Variants in DBP observed in about 807,000 individuals in gnomAD.
DBP encodes D site-binding protein.
A neutral mutation model predicts 21.4 loss-of-function variants in DBP; 12 were observed. That is an observed-to-expected ratio of 0.56 (90% CI 0.36 to 0.91). DBP has a LOEUF of 0.91. DBP is among the 40% of genes least tolerant of loss of function. The probability of loss-of-function intolerance (pLI) is 0.01; values close to 1 mark genes in which losing one functional copy is unlikely to be tolerated. For synonymous variants in DBP, 213 were observed against 224.9 expected, an observed-to-expected ratio of 0.95 and a Z score of 0.47; for missense variants, 423 against 473.4, an observed-to-expected ratio of 0.89 and a Z score of 0.99.
In DBP at chr19:48,637,186, G is replaced by A. The variant is rs1018035078; in HGVS notation, c.-192C>T. ...GATTTGAGGTCCTCGGTGCAGAAACGTGCAACTCAAGAGGGTCCCGGGAGA... is the reference window on the plus strand; with the variant it reads ...GATTTGAGGTCCTCGGTGCAGAAACATGCAACTCAAGAGGGTCCCGGGAGA... On this transcript the variant is annotated 5_prime_UTR_variant, in exon 1 of 4. The change creates a new upstream start codon in the 5' untranslated region. Coordinates refer to ENST00000222122, the MANE Select transcript of DBP (RefSeq NM_001352.5). The A allele has an allele frequency of 1.0e-5, 5 of 502,362 alleles. No homozygotes were observed. The highest frequency in any genetic ancestry group is 4.0e-5 in the African/African-American group (2 of 49,596). The allele number at this position is 502,362 out of a possible 1,614,324, so 31.1% of individuals were successfully genotyped here.
chr19:48,630,817 G>A lies in DBP; in HGVS notation c.*20C>T. On this transcript the variant is annotated 3_prime_UTR_variant, in exon 4 of 4. Coordinates refer to ENST00000222122, the MANE Select transcript of DBP (RefSeq NM_001352.5). The surrounding 1 kb of genome is among the most constrained non-coding windows in gnomAD (Gnocchi z 4.9). ...AGCAAGGCGGAGGAGAGCTCCGCCA[G>A]GTGGGGATGTGGGGCAGCCTCACAG... The A allele has an allele frequency of 6.4e-7, 1 of 1,565,972 alleles. No homozygotes were observed. The highest frequency in any genetic ancestry group is 8.7e-7 in the Non-Finnish European group (1 of 1,152,850).
chr19:48,631,091 G>A (rs2030565323), intron 3 of DBP, 39 bp from the exon 4 acceptor site: 1 of 1,572,946 alleles, frequency 6.4e-7, no homozygotes, highest in Non-Finnish European at 8.7e-7. Flanking sequence ...GGTCCAGAGG[G>A]ACCCAGGTCC....
chr19:48,635,796 C>A lies in DBP; in HGVS notation c.334G>T (p.Gly112Cys). The A allele has an allele frequency of 7.0e-7, 1 of 1,436,296 alleles. No individual in the cohort carries two copies. Among genetic ancestry groups the A allele is most frequent in the South Asian group, 1.4e-5 (1 of 71,238 alleles). The allele number at this position is 1,436,296 out of a possible 1,614,324, so 89.0% of individuals were successfully genotyped here. ...TCCAGGTCTACGTACTCCACATCGC[C>A]GAACGGCAGCGTGCGCTCCCACAGC... ...PLLWERTLPF[G>C]DVEYVDLDAF... Residue 112 changes from glycine (G) to cysteine (C), a missense_variant, in exon 2 of 4, where the codon GGC becomes TGC. Transcript: ENST00000222122.
chr19:48,633,214 T>C, intron 3 of DBP: 1 of 617,076 alleles, frequency 1.6e-6, no homozygotes, highest in Non-Finnish European at 2.9e-6. Flanking sequence ...CCTAAAATGC[T>C]GGGATTACAC....
chr19:48,633,870 G>A, intron 2 of DBP: 1 of 574,370 alleles, frequency 1.7e-6, no homozygotes, highest in East Asian at 2.9e-5. Context: ...GGAAGCCGAG[G>A]CGGCGAATCA....
chr19:48,630,799 CGGA>C lies in DBP; in HGVS notation c.*35_*37del, dbSNP rs2030545184. 2 of 1,543,882 alleles carry C rather than the reference CGGA, an allele frequency of 1.3e-6. No homozygotes were observed. Among genetic ancestry groups the C allele is most frequent in the African/African-American group, 1.4e-5 (1 of 73,520 alleles). ...GAACAGGGCGTAAGTCTCAGCAAGG[CGGA>C]GGAGAGCTCCGCCAGGTGGGGATGT... On this transcript the variant is annotated 3_prime_UTR_variant, in exon 4 of 4. Coordinates refer to ENST00000222122, the MANE Select transcript of DBP (RefSeq NM_001352.5). The surrounding 1 kb of genome is among the most constrained non-coding windows in gnomAD (Gnocchi z 4.9).
In DBP at chr19:48,636,879, C is replaced by G; in HGVS notation, c.116G>C (p.Ser39Thr). 6.2e-7 allele frequency: 1 copy of G among 1,609,152 alleles called. No individual in the cohort carries two copies. Among genetic ancestry groups the G allele is most frequent in the Non-Finnish European group, 8.5e-7 (1 of 1,178,216 alleles). ...LGLRSLLQGT[S>T]KPKEPASCLL... The stretch of plus-strand genomic sequence containing the variant: ...ACAGCTGGCCGGCTCTTTGGGCTTG[C>G]TGGTCCCCTGCAGAAGGCTCCGCAA... The change falls in exon 1 of 4, where the codon AGC becomes ACC. Residue 39 changes from serine (S) to threonine (T), a missense_variant. Physicochemically the swap from Ser to Thr is moderately conservative, Grantham distance 58. Transcript: ENST00000222122.
At chr19:48,636,662 G>T (rs1179120110) in intron 1 of DBP, among the ~76,000 whole-genome samples, 194 bp downstream of exon 1, 3 of 152,152 alleles carry the variant, frequency 2.0e-5, no homozygotes, top group Non-Finnish European at 4.4e-5. Context: ...TAGGGTGGAC[G>T]GGCTTCAGAG....
Position 48,630,297 on chromosome 19 carries a change from G to C in DBP, c.*540C>G, listed in dbSNP as rs2030503937. On this transcript the variant is annotated 3_prime_UTR_variant, in exon 4 of 4. Transcript: ENST00000222122. The surrounding 1 kb of genome is among the most constrained non-coding windows in gnomAD (Gnocchi z 4.9). ...CTAATGTTCCTCTCCCCGCGGGTGG[G>C]GGCGGGGAAATTCATATCCCCTGTT... 1 of 1,288,458 alleles carries C rather than the reference G, an allele frequency of 7.8e-7. No individual in the cohort carries two copies. Among genetic ancestry groups the C allele is most frequent in the African/African-American group, 1.5e-5 (1 of 65,036 alleles). The allele number at this position is 1,288,458 out of a possible 1,614,324, so 79.8% of individuals were successfully genotyped here.
rs1160740610 is a variant in DBP at position 48,630,170 on chromosome 19, G to C, written c.*667C>G. On this transcript the variant is annotated 3_prime_UTR_variant, in exon 4 of 4. Coordinates refer to ENST00000222122, the MANE Select transcript of DBP (RefSeq NM_001352.5). This position sits in a 1 kb window ranked among gnomAD's most constrained non-coding sequence, Gnocchi z 4.9. ...GGGGTAGGCCTCAGTGAGTCGGCCG[G>C]TCAGGGCCCGCAGCCTCGCCCCATC... 2.4e-6 allele frequency: 3 copies of C among 1,244,276 alleles called. No homozygotes were observed. Among genetic ancestry groups the C allele is most frequent in the Non-Finnish European group, 3.0e-6 (3 of 992,150 alleles). 77.1% of individuals were successfully genotyped at this position (1,244,276 alleles called of 1,614,324 possible). A position where few individuals can be genotyped will look rare whatever the true frequency, so the allele number is the denominator to read the frequency against.
rs954543216 is a variant in DBP, at chr19:48,635,961, C to T, written c.169G>A (p.Ala57Thr). Residue 57 changes from alanine (A) to threonine (T), a missense_variant, in exon 2 of 4, where the codon GCC becomes ACC. By Grantham distance (58) the Ala-to-Thr change is moderately conservative. Coordinates refer to ENST00000222122, the MANE Select transcript of DBP (RefSeq NM_001352.5). ...CLLKEKERKA[A>T]LPAATTPGPG... ...CCAGGGGTTGTGGCTGCAGGCAGGG[C>T]CGCCTTGCGCTCCTTTTCCTTCAGG... 22 of 1,523,096 alleles carry T rather than the reference C, an allele frequency of 1.4e-5. No individual in the cohort carries two copies. The highest frequency in any genetic ancestry group is 8.5e-5 in the African/African-American group (6 of 70,928). 94.3% of individuals were successfully genotyped at this position (1,523,096 alleles called of 1,614,324 possible). A position where few individuals can be genotyped will look rare whatever the true frequency, so the allele number is the denominator to read the frequency against.
At chr19:48,632,139 T>G (rs2030617461) in intron 3 of DBP, 2 of 111,328 alleles carry the variant, frequency 1.8e-5, no homozygotes, top group Non-Finnish European at 3.5e-5. Flanking sequence ...ATTTTTGTTC[T>G]TTTTTTTTTT....
At position 48,630,041 on chromosome 19, in the gene DBP, G is replaced by T; in HGVS notation, c.*796C>A. ...ATCTGGGGCCGCCCTTACGGGGCAG[G>T]GCTCAGTCCTGACGCTTGCCACCTG... On this transcript the variant is annotated 3_prime_UTR_variant, in exon 4 of 4. Transcript: ENST00000222122. The surrounding 1 kb of genome is among the most constrained non-coding windows in gnomAD (Gnocchi z 4.9). 4 of 1,333,282 alleles carry T rather than the reference G, an allele frequency of 3.0e-6. No individual in the cohort carries two copies. Among genetic ancestry groups the T allele is most frequent in the Non-Finnish European group, 3.8e-6 (4 of 1,043,938 alleles). The allele number at this position is 1,333,282 out of a possible 1,614,324, so 82.6% of individuals were successfully genotyped here. A position where few individuals can be genotyped will look rare whatever the true frequency, so the allele number is the denominator to read the frequency against.
intron 2 of DBP, chr19:48,634,791 C>T (rs997238742): frequency 2.0e-6 from 2 of 985,576 alleles, no homozygotes; most frequent in South Asian, 9.4e-5. Flanking sequence ...CCCCGACCTG[C>T]AGTCCGTCCC....
Position 48,631,068 on chromosome 19 carries a change from G to T in DBP, c.763-16C>A. ...ATTTCTCATCCTGCAGGAGAAGAGG[G>T]GGAGAGCACTGAGGTCCAGAGGGAC... On this transcript the variant is annotated splice_polypyrimidine_tract_variant and intron_variant, in intron 3 of 3. Coordinates refer to ENST00000222122, the MANE Select transcript of DBP (RefSeq NM_001352.5). 1 of 1,608,540 alleles carries T rather than the reference G, an allele frequency of 6.2e-7. No individual in the cohort carries two copies. The highest frequency in any genetic ancestry group is 2.2e-5 in the East Asian group (1 of 44,746).
chr19:48,637,148 T>C lies in DBP; in HGVS notation c.-154A>G. 1.6e-6 allele frequency: 1 copy of C among 643,418 alleles called. No homozygotes were observed. The highest frequency in any genetic ancestry group is 2.5e-6 in the Non-Finnish European group (1 of 406,226). The allele number at this position is 643,418 out of a possible 1,614,324, so 39.9% of individuals were successfully genotyped here. A position where few individuals can be genotyped will look rare whatever the true frequency, so the allele number is the denominator to read the frequency against. ...CCAGTATCCAGAACGCTGCAAATCCTAGGAGCGACGGGGATTTGAGGTCCT... is the reference window on the plus strand; with the variant it reads ...CCAGTATCCAGAACGCTGCAAATCCCAGGAGCGACGGGGATTTGAGGTCCT... On this transcript the variant is annotated 5_prime_UTR_variant, in exon 1 of 4. The change abolishes the stop of an existing upstream ORF in the 5' untranslated region. Coordinates refer to ENST00000222122, the MANE Select transcript of DBP (RefSeq NM_001352.5).
chr19:48,630,726 T>A lies in DBP; in HGVS notation c.*111A>T. The stretch of plus-strand genomic sequence containing the variant: ...AAATGTATTTATCTGCATTATCACG[T>A]CCCTGGGGCACCCAGCTGGCCGGCC... On this transcript the variant is annotated 3_prime_UTR_variant, in exon 4 of 4. Transcript: ENST00000222122. This position sits in a 1 kb window ranked among gnomAD's most constrained non-coding sequence, Gnocchi z 4.9. 2 of 1,417,344 alleles carry A rather than the reference T, an allele frequency of 1.4e-6. No individual in the cohort carries two copies. The highest frequency in any genetic ancestry group is 1.9e-6 in the Non-Finnish European group (2 of 1,061,890). 87.8% of individuals were successfully genotyped at this position (1,417,344 alleles called of 1,614,324 possible).
At chr19:48,633,411 C>G (rs2030668183) in intron 3 of DBP, 33 bp downstream of exon 3, 1 of 1,608,628 alleles carries the variant, frequency 6.2e-7, no homozygotes, top group Non-Finnish European at 8.5e-7. Flanking sequence ...ATGTCTCCAG[C>G]CAAGTCTATC....
chr19:48,633,019 G>C (rs1682545496), intron 3 of DBP: 2 of 306,580 alleles, frequency 6.5e-6, no homozygotes, highest in Non-Finnish European at 1.2e-5. Flanking sequence ...TTTAAGACAA[G>C]GTCTCCCTCT....
Sources: allele counts gnomAD v4.1 joint callset (sites outside exome capture counted in the v4.1 genomes callset), GRCh38; gene constraint gnomAD v4.1.1; non-coding constraint Gnocchi (gnomAD v3.1); transcripts MANE v1.5; gene names NCBI Gene and HGNC (gene_info 2026-07-23, HGNC 2026-07-21).